The following ABCC4 variants were observed in gnomAD, a reference collection of about 807,000 sequenced individuals.
ABCC4 encodes ATP-binding cassette sub-family C member 4.
A neutral mutation model predicts 168.5 loss-of-function variants in ABCC4; 102 were observed. That is an observed-to-expected ratio of 0.61 (90% CI 0.52 to 0.71). The LOEUF (loss-of-function observed/expected upper bound fraction) is 0.71, where lower values mean the gene tolerates loss of function less well. Among genes scored for constraint, ABCC4 ranks in the 30% least tolerant of loss-of-function variants. ABCC4 has a pLI of 0.00. For missense variants in ABCC4, 1,402 were observed against 1,605.8 expected, an observed-to-expected ratio of 0.87 and a Z score of 2.17; for synonymous variants, 617 against 590.7, an observed-to-expected ratio of 1.04 and a Z score of -0.65.
Position 95,151,599 on chromosome 13 carries a change from G to GAGGAGA in ABCC4, c.2455+9584_2455+9589dup, listed in dbSNP as rs147465373. ...GGAGGAGGAGAAGGAGAAGAAGGAG[G>GAGGAGA]AGGAGAAGGAGAAGGAGAAGAAGGA... On this transcript the variant is annotated intron_variant, in intron 19 of 30. Coordinates refer to ENST00000645237, the MANE Select transcript of ABCC4 (RefSeq NM_005845.5). 8.4e-3 allele frequency among the ~76,000 whole-genome samples: 1,226 copies of GAGGAGA among 145,538 alleles called. 13 individuals carry two copies. Among genetic ancestry groups the GAGGAGA allele is most frequent in the Non-Finnish European group, 0.015 (982 of 67,342 alleles).
intron 19 of ABCC4, among the ~76,000 whole-genome samples, chr13:95,135,843 T>A (rs939365426): frequency 3.3e-5 from 5 of 152,204 alleles, no homozygotes; most frequent in African/African-American, 1.2e-4. Flanking sequence ...AAAAACTACC[T>A]ACTGTATGTA....
intron 20 of ABCC4, among the ~76,000 whole-genome samples, chr13:95,105,236 G>A (rs962076990): frequency 2.0e-5 from 3 of 152,086 alleles, no homozygotes; most frequent in East Asian, 1.9e-4. Flanking sequence ...TAATGCCGCC[G>A]ACGATCTGAC....
intron 29 of ABCC4, among the ~76,000 whole-genome samples, chr13:95,039,293 T>C (rs1004320331): frequency 6.6e-6 from 1 of 152,204 alleles, no homozygotes; most frequent in Non-Finnish European, 1.5e-5. Context: ...GCTCAAAAAG[T>C]TTCAGATTTA....
intron 19 of ABCC4, among the ~76,000 whole-genome samples, chr13:95,144,043 A>C (rs1455368646): frequency 2.0e-5 from 3 of 152,216 alleles, no homozygotes; most frequent in Admixed American, 2.0e-4. Flanking sequence ...TTCTTATATC[A>C]ACATTACACA....
chr13:95,295,220 G>A (rs1447886638), intron 1 of ABCC4, among the ~76,000 whole-genome samples: 1 of 152,122 alleles, frequency 6.6e-6, no homozygotes, highest in Admixed American at 6.6e-5. Context: ...TGCAGACACA[G>A]AAATTTACTA....
intron 19 of ABCC4, among the ~76,000 whole-genome samples, chr13:95,117,822 T>G (rs2035431757): frequency 6.6e-6 from 1 of 150,384 alleles, no homozygotes; most frequent in African/African-American, 2.4e-5. Flanking sequence ...CTCACACCTA[T>G]AATCCCAGTA....
intron 20 of ABCC4, among the ~76,000 whole-genome samples, chr13:95,108,773 C>T (rs2035098899): frequency 1.3e-5 from 2 of 151,980 alleles, no homozygotes; most frequent in South Asian, 4.1e-4. Context: ...GCTGGGACTA[C>T]AGGTACCCTG....
At chr13:95,086,638 G>A (rs952035006) in intron 20 of ABCC4, among the ~76,000 whole-genome samples, 3 of 152,146 alleles carry the variant, frequency 2.0e-5, no homozygotes, top group African/African-American at 7.2e-5. Flanking sequence ...GTGGGATTCT[G>A]TTCCTGCTAG....
Position 95,020,344 on chromosome 13 carries a change from C to T in ABCC4, c.*1231G>A, listed in dbSNP as rs1034422085. On this transcript the variant is annotated 3_prime_UTR_variant, in exon 31 of 31. Transcript: ENST00000645237. ...CCTTATTCTGAGAGGTCATGAGACT[C>T]CACTTCAAACCATAATAGTAAAACC... 3 of 152,342 alleles carry T rather than the reference C, an allele frequency of 2.0e-5. No homozygotes were observed. The highest frequency in any genetic ancestry group is 4.4e-5 in the Non-Finnish European group (3 of 68,030). The allele number at this position is 152,342 out of a possible 1,614,324, so 9.4% of individuals were successfully genotyped here.
At chr13:95,151,146 G>T (rs1001607011) in intron 19 of ABCC4, among the ~76,000 whole-genome samples, 4 of 152,104 alleles carry the variant, frequency 2.6e-5, no homozygotes, top group Admixed American at 2.6e-4. Context: ...GCATCTTTTT[G>T]ATATGAGATC....
At chr13:95,192,473 T>C (rs2038285558) in intron 9 of ABCC4, among the ~76,000 whole-genome samples, 1 of 152,192 alleles carries the variant, frequency 6.6e-6, no homozygotes, top group African/African-American at 2.4e-5. Flanking sequence ...CAGACCATTT[T>C]ACAATATCGC....
At position 95,034,721 on chromosome 13, in the gene ABCC4, G is replaced by A. The variant is rs374563885; in HGVS notation, c.3754C>T (p.Leu1252=). 6.2e-7 allele frequency: 1 copy of A among 1,613,910 alleles called. No individual in the cohort carries two copies. Among genetic ancestry groups the A allele is most frequent in the Non-Finnish European group, 8.5e-7 (1 of 1,180,018 alleles). ...ACATACGGCTCATCATATTCTTTCA[G>A]TCTTCCTGAATCTAAAACCTGTTAA... ...DKIMVLDSGR[L]KEYDEPYVLL... is the part of the protein sequence containing the mutation. The change falls in exon 30 of 31, where the codon CTG becomes TTG. Residue 1252 remains leucine (L), a synonymous_variant. Coordinates refer to ENST00000645237, the MANE Select transcript of ABCC4 (RefSeq NM_005845.5).
chr13:95,140,645 A>T (rs1156840703), intron 19 of ABCC4, among the ~76,000 whole-genome samples: 1 of 152,212 alleles, frequency 6.6e-6, no homozygotes, highest in African/African-American at 2.4e-5. Flanking sequence ...AACATCAGAA[A>T]TTCTTTACTT....
At chr13:95,056,212 A>T (rs980289860) in intron 26 of ABCC4, among the ~76,000 whole-genome samples, 4 of 152,222 alleles carry the variant, frequency 2.6e-5, no homozygotes, top group African/African-American at 7.2e-5. Context: ...TAAAATATAC[A>T]CTGCACAGTA....
At chr13:95,293,365 AC>A (rs957409800) in intron 1 of ABCC4, among the ~76,000 whole-genome samples, 29 of 151,716 alleles carry the variant, frequency 1.9e-4, no homozygotes, top group African/African-American at 6.5e-4. Context: ...AAAAACAAAA[AC>A]AAAAACAAAA....
At chr13:95,230,137 C>T (rs1327968790) in intron 4 of ABCC4, among the ~76,000 whole-genome samples, 1 of 152,176 alleles carries the variant, frequency 6.6e-6, no homozygotes, top group African/African-American at 2.4e-5. Context: ...TTCTTAATGC[C>T]AATCTGTTGA....
chr13:95,139,831 A>G (rs183164315), intron 19 of ABCC4, among the ~76,000 whole-genome samples: 1 of 152,322 alleles, frequency 6.6e-6, no homozygotes, highest in African/African-American at 2.4e-5. Context: ...AACAAACTCC[A>G]GTGCTAAAAG....
intron 1 of ABCC4, among the ~76,000 whole-genome samples, chr13:95,298,673 G>A (rs775699008): frequency 9.9e-5 from 15 of 152,174 alleles, no homozygotes; most frequent in African/African-American, 2.7e-4. Flanking sequence ...AACAGGGAGC[G>A]CCTTCTCCAT....
chr13:95,081,069 C>G (rs115687698), intron 21 of ABCC4, among the ~76,000 whole-genome samples: 1 of 147,102 alleles, frequency 6.8e-6, no homozygotes, highest in Non-Finnish European at 1.5e-5. Context: ...GTGATCTGAG[C>G]GCATGGAGAA....
Sources: gnomAD v4.1 joint callset for allele counts (sites outside exome capture counted in the v4.1 genomes callset) on GRCh38, gnomAD v4.1.1 for gene constraint, MANE v1.5 for transcripts, NCBI Gene and HGNC (gene_info 2026-07-23, HGNC 2026-07-21) for gene names.